The following TOMM40 variants were observed in gnomAD, a reference collection of about 807,000 sequenced individuals.
TOMM40 encodes translocase of outer mitochondrial membrane 40, also known as mitochondrial import receptor subunit TOM40 homolog.
In TOMM40, 9 loss-of-function variants were observed where a neutral mutation model predicts 38.4. The observed-to-expected ratio is 0.23, with a 90% CI of 0.14 to 0.41. The LOEUF (loss-of-function observed/expected upper bound fraction) is 0.41. Among genes scored for constraint, TOMM40 ranks in the 10% least tolerant of loss-of-function variants. TOMM40 has a pLI of 1.00. For synonymous variants in TOMM40, 184 were observed against 210.0 expected, an observed-to-expected ratio of 0.88 and a Z score of 1.07; for missense variants, 299 against 486.5, an observed-to-expected ratio of 0.61 and a Z score of 3.63.
chr19:44,896,654 C>A (rs1423746904), intron 5 of TOMM40, among the ~76,000 whole-genome samples: 1 of 152,150 alleles, frequency 6.6e-6, no homozygotes, highest in Non-Finnish European at 1.5e-5. Context: ...CCTCCCCAGC[C>A]CCTCCCAATG....
intron 1 of TOMM40, 96 bp downstream of exon 1, chr19:44,891,785 G>A: frequency 7.9e-7 from 1 of 1,265,040 alleles, no homozygotes; most frequent in Non-Finnish European, 1.0e-6. Flanking sequence ...CGCACCATTG[G>A]AATTATTTAA....
intron 6 of TOMM40, 50 bp from the exon 7 acceptor site, chr19:44,900,978 C>T (rs767799098): frequency 1.2e-6 from 2 of 1,611,840 alleles, no homozygotes; most frequent in Non-Finnish European, 1.7e-6. Context: ...TTCCCAGATG[C>T]CCAAATCCCC....
rs34878901 is a variant in TOMM40, at chr19:44,899,220, C to A, written c.644-1510C>A. ...GGAGTGCAGTGGCGTGATCATAGCT[C>A]AGTGTAACCTTGACCTTCTGAGCTC... is the stretch of plus-strand genomic sequence containing the variant. On this transcript the variant is annotated intron_variant, in intron 5 of 8. Coordinates refer to ENST00000426677, the MANE Select transcript of TOMM40 (RefSeq NM_001128917.2). Among the ~76,000 whole-genome samples, 19 of 151,828 alleles carry A rather than the reference C, an allele frequency of 1.3e-4. No homozygotes were observed. The East Asian group carries it at 2.9e-3, about 23-fold the overall frequency.
rs1284319308 is a variant in TOMM40, at chr19:44,903,157, C to T, written c.1074C>T (p.Leu358=). 2 of 1,610,990 alleles carry T rather than the reference C, an allele frequency of 1.2e-6. No homozygotes were observed. Among genetic ancestry groups the T allele is most frequent in the African/African-American group, 1.3e-5 (1 of 74,932 alleles). Reference sequence around the variant, plus strand: ...ACAAGTTTCAGTGTGGCTTTGGCCTCACCATCGGCTGAGCCCTCCTGGCCC... The same window carrying T: ...ACAAGTTTCAGTGTGGCTTTGGCCTTACCATCGGCTGAGCCCTCCTGGCCC... ...RKNKFQCGFG[L]TIG Residue 358 remains leucine, a synonymous_variant, in exon 9 of 9, where the codon CTC becomes CTT. Coordinates refer to ENST00000426677, the MANE Select transcript of TOMM40 (RefSeq NM_001128917.2).
intron 5 of TOMM40, 105 bp from the exon 6 acceptor site, chr19:44,900,625 A>G: frequency 6.3e-7 from 1 of 1,596,666 alleles, no homozygotes; most frequent in Non-Finnish European, 8.5e-7. Context: ...GAGGCCTGAG[A>G]GCAAGCCCAA....
At position 44,893,921 on chromosome 19, in the gene TOMM40, G is replaced by A. The variant is rs111791678; in HGVS notation, c.537+40G>A. ...GAGGCTGCTGCTCCCCTCGGCCACC[G>A]TGAGCAGGGAGCCGCCCTCACACCC... On this transcript the variant is annotated intron_variant, in intron 4 of 8. Transcript: ENST00000426677. 146 of 1,605,874 alleles carry A rather than the reference G, an allele frequency of 9.1e-5. No homozygotes were observed. In the African/African-American group the frequency reaches 1.5e-3, roughly 17 times the overall value.
chr19:44,892,227 A>G (rs1444614192), intron 1 of TOMM40, among the ~76,000 whole-genome samples, 166 bp from the exon 2 acceptor site: 2 of 152,182 alleles, frequency 1.3e-5, no homozygotes, highest in African/African-American at 2.4e-5. Flanking sequence ...TGAGCAAGCA[A>G]AGGCCCTGGC....
chr19:44,900,828 A>G lies in TOMM40; in HGVS notation c.742A>G (p.Met248Val), dbSNP rs1969665458. The change falls in exon 6 of 9, where the codon ATG (methionine) becomes GTG (valine). Residue 248 changes from methionine (M) to valine (V), a missense_variant. Coordinates refer to ENST00000426677, the MANE Select transcript of TOMM40 (RefSeq NM_001128917.2). ...GCGGCCTGGAGAGGAGGGCACTGTC[A>G]TGTCTCTAGCTGGGAAATACACATG... is the stretch of plus-strand genomic sequence containing the variant. Reference protein sequence around the residue: ...HRRPGEEGTVMSLAGKYTLNN... With the variant: ...HRRPGEEGTVVSLAGKYTLNN... 1 of 1,613,968 alleles carries G rather than the reference A, an allele frequency of 6.2e-7. No homozygotes were observed. Among genetic ancestry groups the G allele is most frequent in the Non-Finnish European group, 8.5e-7 (1 of 1,180,032 alleles).
At position 44,900,744 on chromosome 19, in the gene TOMM40, C is replaced by G; in HGVS notation, c.658C>G (p.His220Asp). The G allele has an allele frequency of 6.2e-7, 1 of 1,612,486 alleles. No homozygotes were observed. Among genetic ancestry groups the G allele is most frequent in the Non-Finnish European group, 8.5e-7 (1 of 1,179,882 alleles). The part of the protein sequence containing the change: ...VLVGSGILVA[H>D]YLQSITPCLA... The stretch of plus-strand genomic sequence containing the variant: ...TTTGCCCACAGGAATCCTCGTAGCC[C>G]ACTACCTCCAGAGCATCACGCCTTG... Residue 220 changes from histidine to aspartate, a missense_variant, in exon 6 of 9, where the codon CAC becomes GAC. Transcript: ENST00000426677.
intron 7 of TOMM40, 41 bp downstream of exon 7, chr19:44,901,145 C>G (rs758655368): frequency 7.4e-6 from 12 of 1,613,942 alleles, no homozygotes; most frequent in Non-Finnish European, 1.0e-5. Flanking sequence ...CCAGGGGCTG[C>G]TGGGCCTGGA....
At chr19:44,896,778 G>A (rs1167502034) in intron 5 of TOMM40, among the ~76,000 whole-genome samples, 3 of 152,318 alleles carry the variant, frequency 2.0e-5, no homozygotes, top group Non-Finnish European at 2.9e-5. Context: ...TCCCAGGTCA[G>A]GCACAGTGGC....
In TOMM40 at chr19:44,903,266, T is replaced by A; in HGVS notation, c.*97T>A. On this transcript the variant is annotated 3_prime_UTR_variant, in exon 9 of 9. Coordinates refer to ENST00000426677, the MANE Select transcript of TOMM40 (RefSeq NM_001128917.2). ...GAGACCTGAGCCCCCCTCCCTTCCC[T>A]CCCCCCTTGGGGGTCGGGGGGGACA... is the stretch of plus-strand genomic sequence containing the variant. The A allele has an allele frequency of 8.3e-7, 1 of 1,206,662 alleles. No individual in the cohort carries two copies. Among genetic ancestry groups the A allele is most frequent in the Non-Finnish European group, 1.1e-6 (1 of 906,864 alleles). The allele number at this position is 1,206,662 out of a possible 1,614,324, so 74.7% of individuals were successfully genotyped here. A position where few individuals can be genotyped will look rare whatever the true frequency, so the allele number is the denominator to read the frequency against.
Position 44,892,891 on chromosome 19 carries a change from G to A in TOMM40, c.397G>A (p.Val133Ile), listed in dbSNP as rs758504169. 1 of 1,613,974 alleles carries A rather than the reference G, an allele frequency of 6.2e-7. No individual in the cohort carries two copies. Among genetic ancestry groups the A allele is most frequent in the South Asian group, 1.1e-5 (1 of 91,066 alleles). Residue 133 changes from valine (V) to isoleucine (I), a missense_variant, in exon 3 of 9, where the codon GTC becomes ATC. Val to Ile is a conservative substitution (Grantham distance 29, BLOSUM62 3). Coordinates refer to ENST00000426677, the MANE Select transcript of TOMM40 (RefSeq NM_001128917.2). ...CGGGGAGTCCAACTACCACTTCGGG[G>A]TCACATATGTGGGGACAAAGCAGCT... Reference protein sequence around the residue: ...TIGESNYHFGVTYVGTKQLSP... With the variant: ...TIGESNYHFGITYVGTKQLSP...
In TOMM40 at chr19:44,895,062, G is replaced by A. The variant is rs157589; in HGVS notation, c.643+996G>A. ...GCTGGAACTGGAAGGATGGAGTTTCGGATTGCCAGCTTTGTGTCTTTGTGC... is the reference window on the plus strand; with the variant it reads ...GCTGGAACTGGAAGGATGGAGTTTCAGATTGCCAGCTTTGTGTCTTTGTGC... On this transcript the variant is annotated intron_variant, in intron 5 of 8. Transcript: ENST00000426677. Among the ~76,000 whole-genome samples, 826 of 152,224 alleles carry A rather than the reference G, an allele frequency of 5.4e-3. 8 individuals carry two copies. Among genetic ancestry groups the A allele is most frequent in the African/African-American group, 0.019 (795 of 41,520 alleles).
At chr19:44,893,741 G>A in intron 3 of TOMM40, 39 bp from the exon 4 acceptor site, 2 of 1,575,478 alleles carry the variant, frequency 1.3e-6, no homozygotes, top group Non-Finnish European at 1.7e-6. Context: ...CTTGCACAGT[G>A]CACCACCTCT....
chr19:44,897,685 A>G (rs935351504), intron 5 of TOMM40, among the ~76,000 whole-genome samples: 7 of 150,346 alleles, frequency 4.7e-5, no homozygotes, highest in Non-Finnish European at 8.9e-5. Context: ...GAGGCAGGAG[A>G]GTCACTTGAA....
At position 44,891,388 on chromosome 19, in the gene TOMM40, C is replaced by T. The variant is rs1168132942; in HGVS notation, c.-28C>T. 1.6e-6 allele frequency: 2 copies of T among 1,271,236 alleles called. No individual in the cohort carries two copies. The highest frequency in any genetic ancestry group is 2.9e-5 in the South Asian group (1 of 34,296). 78.7% of individuals were successfully genotyped at this position (1,271,236 alleles called of 1,614,324 possible). On this transcript the variant is annotated 5_prime_UTR_variant, in exon 1 of 9. Coordinates refer to ENST00000426677, the MANE Select transcript of TOMM40 (RefSeq NM_001128917.2). ...GGGGCGCGCGGGCCCTGACCTCTGCCCTCTGACCTCTCCCCTAGCAGGCGA... is the reference window on the plus strand; with the variant it reads ...GGGGCGCGCGGGCCCTGACCTCTGCTCTCTGACCTCTCCCCTAGCAGGCGA...
In TOMM40 at chr19:44,895,022, ACT is replaced by A. The variant is rs748242903; in HGVS notation, c.643+959_643+960del. Among the ~76,000 whole-genome samples, 17 of 152,080 alleles carry A rather than the reference ACT, an allele frequency of 1.1e-4. No individual in the cohort carries two copies. In the East Asian group the frequency reaches 1.4e-3, roughly 12 times the overall value. On this transcript the variant is annotated intron_variant, in intron 5 of 8. Coordinates refer to ENST00000426677, the MANE Select transcript of TOMM40 (RefSeq NM_001128917.2). ...TTGTTGAGACCGGATGGAGGCGATGACTCTGTAGTTTTTGGCTGGAACTGGAA... is the reference window on the plus strand; with the variant it reads ...TTGTTGAGACCGGATGGAGGCGATGACTGTAGTTTTTGGCTGGAACTGGAA...
chr19:44,891,776 G>A lies in TOMM40; in HGVS notation c.274+87G>A, dbSNP rs934290797. 12 of 1,288,054 alleles carry A rather than the reference G, an allele frequency of 9.3e-6. No homozygotes were observed. In the South Asian group the frequency reaches 1.7e-4, roughly 18 times the overall value. The allele number at this position is 1,288,054 out of a possible 1,614,324, so 79.8% of individuals were successfully genotyped here. ...CACTGGGGACTCTGGGATTTGGCGCGCACCATTGGAATTATTTAACAGCAC... is the reference window on the plus strand; with the variant it reads ...CACTGGGGACTCTGGGATTTGGCGCACACCATTGGAATTATTTAACAGCAC... On this transcript the variant is annotated intron_variant, in intron 1 of 8. Coordinates refer to ENST00000426677, the MANE Select transcript of TOMM40 (RefSeq NM_001128917.2).
Sources: gnomAD v4.1 joint callset for allele counts (sites outside exome capture counted in the v4.1 genomes callset) on GRCh38, gnomAD v4.1.1 for gene constraint, MANE v1.5 for transcripts, NCBI Gene and HGNC (gene_info 2026-07-23, HGNC 2026-07-21) for gene names.